MAN1C1: variants seen among roughly 807,000 people sequenced by gnomAD.
MAN1C1 encodes mannosidase alpha class 1C member 1.
A neutral mutation model predicts 71.5 loss-of-function variants in MAN1C1; 49 were observed. The ratio of observed to expected loss-of-function variants is 0.69; its 90% CI spans 0.54 to 0.87. The LOEUF (loss-of-function observed/expected upper bound fraction) is 0.87. Ranked by LOEUF, MAN1C1 falls within the 40% of genes least tolerant of loss-of-function variation. The probability of loss-of-function intolerance (pLI) is 0.00; values close to 1 mark genes in which losing one functional copy is unlikely to be tolerated. For synonymous variants in MAN1C1, 352 were observed against 343.7 expected (o/e 1.02, Z -0.27); for missense variants, 743 against 835.0 (o/e 0.89, Z 1.36).
At chr1:25,621,605 T>G (rs1277585705) in intron 1 of MAN1C1, among the ~76,000 whole-genome samples, 3 of 151,978 alleles carry the variant, frequency 2.0e-5, no homozygotes, top group African/African-American at 7.3e-5. Context: ...GTGTTTTTGT[T>G]GTTGTTGTTT....
At chr1:25,768,412 AACACACC>A (rs2047486897) in intron 7 of MAN1C1, among the ~76,000 whole-genome samples, 1 of 69,884 alleles carries the variant, frequency 1.4e-5, no homozygotes. Context: ...ACTCCCCTCA[AACACACC>A]ACACACAATT....
chr1:25,783,828 T>C lies in MAN1C1; in HGVS notation c.*39T>C. On this transcript the variant is annotated 3_prime_UTR_variant, in exon 12 of 12. Coordinates refer to ENST00000374332, the MANE Select transcript of MAN1C1 (RefSeq NM_020379.4). ...CGCCGCCCTGGGGCCGCCGCAGGGA[T>C]GCCTTGCCTTTTCAGGATTTGAGAC... is the stretch of plus-strand genomic sequence containing the variant. 6.3e-7 allele frequency: 1 copy of C among 1,597,512 alleles called. No individual in the cohort carries two copies.
At chr1:25,630,227 A>G (rs2124752829) in intron 1 of MAN1C1, among the ~76,000 whole-genome samples, 1 of 152,074 alleles carries the variant, frequency 6.6e-6, no homozygotes, top group South Asian at 2.1e-4. Context: ...GGCTTTATCT[A>G]TGGGTTCTCT....
At chr1:25,700,777 A>G (rs1384536043) in intron 2 of MAN1C1, among the ~76,000 whole-genome samples, 2 of 152,224 alleles carry the variant, frequency 1.3e-5, no homozygotes, top group Non-Finnish European at 2.9e-5. Flanking sequence ...GACAGACATC[A>G]GTAAATTTCT....
Position 25,634,113 on chromosome 1 carries a change from A to C in MAN1C1, c.540+15776A>C, listed in dbSNP as rs575271794. On this transcript the variant is annotated intron_variant, in intron 1 of 11. Coordinates refer to ENST00000374332, the MANE Select transcript of MAN1C1 (RefSeq NM_020379.4). This position sits in a 1 kb window ranked among gnomAD's most constrained non-coding sequence, Gnocchi z 4.6. Reference sequence around the variant, plus strand: ...ACCTTATTGAACCAATTTATTATGTATATATATTTTTTGGTAGCTTTCTTA... The same window carrying C: ...ACCTTATTGAACCAATTTATTATGTCTATATATTTTTTGGTAGCTTTCTTA... Among the ~76,000 whole-genome samples, 32 of 152,112 alleles carry C rather than the reference A, an allele frequency of 2.1e-4. No homozygotes were observed. The highest frequency in any genetic ancestry group is 3.7e-4 in the Non-Finnish European group (25 of 68,012).
At chr1:25,743,885 G>C (rs1055976161) in intron 2 of MAN1C1, among the ~76,000 whole-genome samples, 1 of 152,232 alleles carries the variant, frequency 6.6e-6, no homozygotes, top group Non-Finnish European at 1.5e-5. Context: ...GAGTGGGTGG[G>C]GTGGGGTGAG....
chr1:25,749,610 G>A (rs1029323217), intron 4 of MAN1C1, among the ~76,000 whole-genome samples: 2 of 152,170 alleles, frequency 1.3e-5, no homozygotes, highest in Non-Finnish European at 2.9e-5. Flanking sequence ...GCAGCAAGAG[G>A]AGAATGGCTC....
In MAN1C1 at chr1:25,730,900, A is replaced by G. The variant is rs2046900144; in HGVS notation, c.638-15768A>G. ...TTGCTAGTACCTTGGACAGATGCAG[A>G]CTCGCTGCTGGCTCAGAGAGGTTAA... On this transcript the variant is annotated intron_variant, in intron 2 of 11. Transcript: ENST00000374332. This position sits in a 1 kb window ranked among gnomAD's most constrained non-coding sequence, Gnocchi z 4.3. Among the ~76,000 whole-genome samples, 1 of 152,142 alleles carries G rather than the reference A, an allele frequency of 6.6e-6. No homozygotes were observed. The highest frequency in any genetic ancestry group is 1.5e-5 in the Non-Finnish European group (1 of 68,022).
chr1:25,672,421 G>A (rs2046005336), intron 1 of MAN1C1, among the ~76,000 whole-genome samples: 1 of 152,150 alleles, frequency 6.6e-6, no homozygotes, highest in African/African-American at 2.4e-5. Flanking sequence ...ATCCCTTAGT[G>A]CAGTCAAGTT....
At chr1:25,770,040 GA>G (rs1426514672) in intron 7 of MAN1C1, among the ~76,000 whole-genome samples, 1 of 152,034 alleles carries the variant, frequency 6.6e-6, no homozygotes, top group Non-Finnish European at 1.5e-5. Flanking sequence ...CGGGGCTGGA[GA>G]AGGGCTCTGA....
chr1:25,771,590 C>T (rs1040811178), intron 7 of MAN1C1, 67 bp from the exon 8 acceptor site: 43 of 1,248,228 alleles, frequency 3.4e-5, no homozygotes, highest in Middle Eastern at 2.2e-4. Context: ...GGCGGGTGTG[C>T]GAGGCCCTGC....
chr1:25,704,375 G>A (rs1003567233), intron 2 of MAN1C1, among the ~76,000 whole-genome samples: 3 of 152,202 alleles, frequency 2.0e-5, no homozygotes, highest in Non-Finnish European at 2.9e-5. Flanking sequence ...ATGGGCGGCC[G>A]ACAGAACCAA....
intron 1 of MAN1C1, among the ~76,000 whole-genome samples, chr1:25,682,144 C>T (rs183902527): frequency 6.6e-6 from 1 of 152,256 alleles, no homozygotes; most frequent in East Asian, 1.9e-4. Flanking sequence ...GAGCTGGGTC[C>T]AGGAGAGAGA....
chr1:25,630,934 T>TA (rs1463975274), intron 1 of MAN1C1, among the ~76,000 whole-genome samples: 1 of 151,648 alleles, frequency 6.6e-6, no homozygotes, highest in Non-Finnish European at 1.5e-5. Flanking sequence ...GGCTAGGACT[T>TA]CCAGTACTAT....
At chr1:25,646,638 A>G (rs1437911193) in intron 1 of MAN1C1, among the ~76,000 whole-genome samples, 1 of 152,164 alleles carries the variant, frequency 6.6e-6, no homozygotes, top group Non-Finnish European at 1.5e-5. Context: ...GCAGCCACGA[A>G]TCTGCTTTCT....
In MAN1C1 at chr1:25,686,742, T is replaced by C. The variant is rs901970549; in HGVS notation, c.637+206T>C. 6.6e-5 allele frequency among the ~76,000 whole-genome samples: 10 copies of C among 152,184 alleles called. 1 individual carries two copies. Among genetic ancestry groups the C allele is most frequent in the Admixed American group, 6.5e-4 (10 of 15,278 alleles). On this transcript the variant is annotated intron_variant, in intron 2 of 11. Coordinates refer to ENST00000374332, the MANE Select transcript of MAN1C1 (RefSeq NM_020379.4). ...TTAGGGGGAATCCTATATGCTTCTCTCTAGCCTTAGAGACTGCTTTGTATG... is the reference window on the plus strand; with the variant it reads ...TTAGGGGGAATCCTATATGCTTCTCCCTAGCCTTAGAGACTGCTTTGTATG...
rs773176609 is a variant in MAN1C1, at chr1:25,782,698, A to G, written c.1764A>G (p.Leu588=). ...AGAGCTTCTTTCTAGCGGAGACACTAAAGTGAGCAGTGTGGGCTCTTCCTA... is the reference window on the plus strand; with the variant it reads ...AGAGCTTCTTTCTAGCGGAGACACTGAAGTGAGCAGTGTGGGCTCTTCCTA... The part of the protein sequence containing the change: ...KQQSFFLAET[L]KYLYLLFSED... The change falls in exon 11 of 12, where the codon CTA becomes CTG. Residue 588 remains leucine (L), a splice_region_variant and synonymous_variant. Coordinates refer to ENST00000374332, the MANE Select transcript of MAN1C1 (RefSeq NM_020379.4). The surrounding 1 kb of genome is among the most constrained non-coding windows in gnomAD (Gnocchi z 4.4). The G allele has an allele frequency of 6.2e-6, 10 of 1,611,950 alleles. No individual in the cohort carries two copies. The highest frequency in any genetic ancestry group is 1.1e-5 in the South Asian group (1 of 91,056).
chr1:25,773,337 A>G (rs1364075599), intron 8 of MAN1C1, among the ~76,000 whole-genome samples: 1 of 152,240 alleles, frequency 6.6e-6, no homozygotes, highest in African/African-American at 2.4e-5. Context: ...CTCTGATCAC[A>G]GGAATCTGGC....
rs116475494 is a variant in MAN1C1 at position 25,725,905 on chromosome 1, C to G, written c.638-20763C>G. On this transcript the variant is annotated intron_variant, in intron 2 of 11. Coordinates refer to ENST00000374332, the MANE Select transcript of MAN1C1 (RefSeq NM_020379.4). The surrounding 1 kb of genome is among the most constrained non-coding windows in gnomAD (Gnocchi z 4.8). ...AGGTCCATCCTGGGCTGAGGCTCAG[C>G]GGTACGGCATGCTGAGCTGAGTGTG... Among the ~76,000 whole-genome samples, 16 of 152,298 alleles carry G rather than the reference C, an allele frequency of 1.1e-4. No individual in the cohort carries two copies. Among genetic ancestry groups the G allele is most frequent in the African/African-American group, 3.4e-4 (14 of 41,572 alleles).
Sources: allele counts gnomAD v4.1 joint callset (sites outside exome capture counted in the v4.1 genomes callset), GRCh38; gene constraint gnomAD v4.1.1; non-coding constraint Gnocchi (gnomAD v3.1); transcripts MANE v1.5; gene names NCBI Gene and HGNC (gene_info 2026-07-23, HGNC 2026-07-21).